Variants in COL22A1 observed in about 807,000 individuals in gnomAD.
COL22A1 encodes the protein collagen alpha-1(XXII) chain.
A neutral mutation model predicts 248.9 loss-of-function variants in COL22A1; 221 were observed. The ratio of observed to expected loss-of-function variants is 0.89; its 90% confidence interval spans 0.80 to 0.99. The LOEUF is 0.99. Among genes scored for constraint, COL22A1 ranks in the 50% least tolerant of loss-of-function variants. COL22A1 has a pLI of 0.00. For synonymous variants in COL22A1, 891 were observed against 793.4 expected (o/e 1.12, Z -2.07); for missense variants, 2,240 against 2,179.0 (o/e 1.03, Z -0.56).
At position 138,636,829 on chromosome 8, in the gene COL22A1, C is replaced by T. The variant is rs756540751; in HGVS notation, c.3502-34G>A. ...GAAAAAAAAGAAAAGAAAGATGTCA[C>T]TGGAAATTTTAATAGGAAAACAAAA... On this transcript the variant is annotated intron_variant, in intron 47 of 64. Transcript: ENST00000303045. 12 of 1,561,428 alleles carry T rather than the reference C, an allele frequency of 7.7e-6. No individual in the cohort carries two copies. The East Asian group carries it at 2.2e-4, about 29-fold the overall frequency.
chr8:138,709,548 AAC>A (rs779418510), intron 30 of COL22A1, among the ~76,000 whole-genome samples: 2 of 149,486 alleles, frequency 1.3e-5, no homozygotes, highest in Non-Finnish European at 3.0e-5. Context: ...CAGAAAACCA[AAC>A]ACCCCATGTT....
At chr8:138,859,894 C>CT (rs34112499) in intron 3 of COL22A1, among the ~76,000 whole-genome samples, 82,495 of 152,046 alleles carry the variant, frequency 0.54, 23,278 homozygotes, top group East Asian at 0.75. Flanking sequence ...GCAACGGTGG[C>CT]TGTAGGCTTT....
At chr8:138,906,047 T>C (rs531860455) in intron 1 of COL22A1, among the ~76,000 whole-genome samples, 2 of 152,254 alleles carry the variant, frequency 1.3e-5, no homozygotes, top group East Asian at 1.9e-4. Flanking sequence ...CACAGACTCA[T>C]GGATCTTAGC....
Position 138,813,036 on chromosome 8 carries a change from G to T in COL22A1, c.1246-17C>A. ...TAGGTCAAACTGGAAAGGAAAGCAAGGAGAGAGGATAAGTTTTAGGGACTT... is the reference window on the plus strand; with the variant it reads ...TAGGTCAAACTGGAAAGGAAAGCAATGAGAGAGGATAAGTTTTAGGGACTT... On this transcript the variant is annotated splice_polypyrimidine_tract_variant and intron_variant, in intron 7 of 64. Transcript: ENST00000303045. 6.2e-7 allele frequency: 1 copy of T among 1,606,710 alleles called. No homozygotes were observed. The highest frequency in any genetic ancestry group is 8.5e-7 in the Non-Finnish European group (1 of 1,173,280).
intron 61 of COL22A1, among the ~76,000 whole-genome samples, chr8:138,597,265 G>A (rs1488369930): frequency 6.6e-6 from 1 of 152,110 alleles, no homozygotes; most frequent in African/African-American, 2.4e-5. Flanking sequence ...TGAAGCCACT[G>A]TGCCCATTAA....
Position 138,693,533 on chromosome 8 carries a change from T to A in COL22A1, c.2754+113A>T. On this transcript the variant is annotated intron_variant, in intron 35 of 64. Transcript: ENST00000303045. ...ACCACTCAAGTGTGGGTGAACCTTC[T>A]GGGCCACGTCCTCCTAGCTAGCCCA... 3 of 1,126,352 alleles carry A rather than the reference T, an allele frequency of 2.7e-6. No individual in the cohort carries two copies. In the South Asian group the frequency reaches 4.0e-5, roughly 15 times the overall value. 69.8% of individuals were successfully genotyped at this position (1,126,352 alleles called of 1,614,324 possible).
At chr8:138,701,480 G>A (rs1195150456) in intron 31 of COL22A1, among the ~76,000 whole-genome samples, 3 of 152,018 alleles carry the variant, frequency 2.0e-5, no homozygotes, top group South Asian at 2.1e-4. Context: ...CCCAACCCCT[G>A]TCCCTTTTCT....
chr8:138,622,768 G>A (rs1395191516), intron 52 of COL22A1, among the ~76,000 whole-genome samples: 1 of 152,042 alleles, frequency 6.6e-6, no homozygotes, highest in Non-Finnish European at 1.5e-5. Context: ...CTATCTAGGA[G>A]CAGTCCTGCA....
At chr8:138,799,227 G>A (rs1204141048) in intron 11 of COL22A1, among the ~76,000 whole-genome samples, 2 of 151,922 alleles carry the variant, frequency 1.3e-5, no homozygotes, top group Non-Finnish European at 2.9e-5. Context: ...GCCTTCTTTT[G>A]CTTACATCAG....
chr8:138,599,234 T>C (rs1817799271), intron 60 of COL22A1, among the ~76,000 whole-genome samples: 1 of 150,086 alleles, frequency 6.7e-6, no homozygotes, highest in Non-Finnish European at 1.5e-5. Flanking sequence ...CCCAGCACTC[T>C]GGGAGGCCGA....
At chr8:138,638,556 C>T (rs1363978002) in intron 47 of COL22A1, among the ~76,000 whole-genome samples, 1 of 152,094 alleles carries the variant, frequency 6.6e-6, no homozygotes, top group African/African-American at 2.4e-5. Flanking sequence ...AATAATCCCC[C>T]CTCTCTCTCT....
At chr8:138,692,185 CA>C (rs1827069185) in intron 35 of COL22A1, among the ~76,000 whole-genome samples, 3 of 149,506 alleles carry the variant, frequency 2.0e-5, no homozygotes, top group South Asian at 2.1e-4. Context: ...TGTATGTGTG[CA>C]CGTGCATGTG....
chr8:138,804,074 A>G lies in COL22A1; in HGVS notation c.1495-1140T>C, dbSNP rs761323747. Among the ~76,000 whole-genome samples the G allele has an allele frequency of 2.0e-5, 3 of 152,038 alleles. No individual in the cohort carries two copies. The East Asian group carries it at 5.8e-4, about 29-fold the overall frequency. ...CCTCTATCCTGACTCTCTTCATACT[A>G]TCCCAATCCTCTCTTTCCTGCTCCC... On this transcript the variant is annotated intron_variant, in intron 10 of 64. Coordinates refer to ENST00000303045, the MANE Select transcript of COL22A1 (RefSeq NM_152888.3).
intron 26 of COL22A1, among the ~76,000 whole-genome samples, chr8:138,721,777 C>A (rs1829886463): frequency 6.6e-6 from 1 of 152,146 alleles, no homozygotes; most frequent in African/African-American, 2.4e-5. Flanking sequence ...CCTAGGCCTC[C>A]CAAAATGCTG....
intron 3 of COL22A1, among the ~76,000 whole-genome samples, chr8:138,849,379 G>C (rs1397054884): frequency 1.3e-5 from 2 of 152,202 alleles, no homozygotes; most frequent in African/African-American, 4.8e-5. Flanking sequence ...TCCTTACCAT[G>C]GCTTTACGAG....
intron 12 of COL22A1, among the ~76,000 whole-genome samples, chr8:138,783,057 T>C (rs1166630407): frequency 1.3e-5 from 2 of 152,076 alleles, no homozygotes; most frequent in Non-Finnish European, 1.5e-5. Context: ...TCCTGGGCCC[T>C]GAGGGGTAGT....
intron 12 of COL22A1, among the ~76,000 whole-genome samples, chr8:138,788,390 T>C (rs1409518652): frequency 6.6e-6 from 1 of 152,188 alleles, no homozygotes; most frequent in Non-Finnish European, 1.5e-5. Context: ...GAATTTTCAT[T>C]TTATAGTGAA....
intron 56 of COL22A1, among the ~76,000 whole-genome samples, chr8:138,609,735 A>G (rs1020534582): frequency 6.6e-6 from 1 of 151,790 alleles, no homozygotes; most frequent in East Asian, 1.9e-4. Flanking sequence ...AAGACATTGC[A>G]GAGAGGATAA....
intron 3 of COL22A1, 42 bp from the exon 4 acceptor site, chr8:138,844,200 G>A (rs1037442191): frequency 6.3e-6 from 10 of 1,578,812 alleles, no homozygotes; most frequent in East Asian, 4.5e-5. Flanking sequence ...GAGAAAATGT[G>A]ACCCATCGTC....
Sources: allele counts gnomAD v4.1 joint callset (sites outside exome capture counted in the v4.1 genomes callset), GRCh38; gene constraint gnomAD v4.1.1; transcripts MANE v1.5; gene names NCBI Gene and HGNC (gene_info 2026-07-23, HGNC 2026-07-21).